The following TG variants were observed in gnomAD, a reference collection of about 807,000 sequenced individuals.
The protein encoded by TG is thyroglobulin.
In TG, 270 loss-of-function variants were observed where a neutral mutation model predicts 324.7. The ratio of observed to expected loss-of-function variants is 0.83; its 90% confidence interval spans 0.75 to 0.92. TG has a LOEUF of 0.92. Ranked by LOEUF, TG falls within the 40% of genes least tolerant of loss-of-function variation. TG has a pLI of 0.00. For missense variants in TG, 3,591 were observed against 3,456.4 expected, an observed-to-expected ratio of 1.04 and a Z score of -0.98; for synonymous variants, 1,401 against 1,327.0, an observed-to-expected ratio of 1.06 and a Z score of -1.21.
chr8:133,013,464 T>G, intron 36 of TG, 136 bp from the exon 37 acceptor site: 1 of 1,058,782 alleles, frequency 9.4e-7, no homozygotes. Context: ...GATGGATTCA[T>G]GGATGCATGA....
chr8:132,898,364 G>A (rs1385647799), intron 13 of TG, 118 bp downstream of exon 13: 4 of 1,014,930 alleles, frequency 3.9e-6, no homozygotes, highest in East Asian at 2.6e-5. Context: ...GCCAGGTCCC[G>A]GGTGCAGCCA....
At chr8:132,933,452 G>A in intron 23 of TG, 109 bp from the exon 24 acceptor site, 1 of 798,088 alleles carries the variant, frequency 1.3e-6, no homozygotes, top group South Asian at 1.4e-5. Context: ...GTGTGTGTGT[G>A]TGTGTGTGTG....
At chr8:133,030,640 A>G (rs1319650861) in intron 41 of TG, among the ~76,000 whole-genome samples, 13 of 152,232 alleles carry the variant, frequency 8.5e-5, no homozygotes, top group Non-Finnish European at 1.5e-5. Context: ...TACATAACCC[A>G]GTTCTTAGGA....
chr8:133,025,858 A>T (rs909400903), intron 40 of TG, among the ~76,000 whole-genome samples: 4 of 152,198 alleles, frequency 2.6e-5, no homozygotes, highest in Non-Finnish European at 5.9e-5. Context: ...TCTGAGCAGG[A>T]TGGGGTCTGA....
rs570067317 is a variant in TG at position 133,020,181 on chromosome 8, G to A, written c.6876+486G>A. On this transcript the variant is annotated intron_variant, in intron 39 of 47. Transcript: ENST00000220616. ...GGCAGAGTGGAGGCTCATCCCTGTCGCCGTGTTCCAAAGCCAGTGCTCTTT... is the reference window on the plus strand; with the variant it reads ...GGCAGAGTGGAGGCTCATCCCTGTCACCGTGTTCCAAAGCCAGTGCTCTTT... Among the ~76,000 whole-genome samples, 12 of 152,266 alleles carry A rather than the reference G, an allele frequency of 7.9e-5. No individual in the cohort carries two copies. The South Asian group carries it at 1.0e-3, about 13-fold the overall frequency.
At chr8:132,914,299 G>C (rs561172788) in intron 20 of TG, among the ~76,000 whole-genome samples, 8 of 152,354 alleles carry the variant, frequency 5.3e-5, no homozygotes, top group African/African-American at 1.9e-4. Flanking sequence ...CCTTCCTCCT[G>C]TGTGGGGTGA....
chr8:133,123,442 G>C lies in TG; in HGVS notation c.7862+6726G>C, dbSNP rs1453481471. 3.3e-5 allele frequency among the ~76,000 whole-genome samples: 5 copies of C among 152,134 alleles called. No individual in the cohort carries two copies. In the South Asian group the frequency reaches 8.3e-4, roughly 25 times the overall value. On this transcript the variant is annotated intron_variant, in intron 45 of 47. Transcript: ENST00000220616. ...CCGGGTCTGAGGCCCTGGGCATTCTGTCTAATGCCTCCTGTGTTCTCTCTA... is the reference window on the plus strand; with the variant it reads ...CCGGGTCTGAGGCCCTGGGCATTCTCTCTAATGCCTCCTGTGTTCTCTCTA...
chr8:133,049,650 A>G, intron 41 of TG: 1 of 488,468 alleles, frequency 2.0e-6, no homozygotes, highest in South Asian at 2.2e-5. Flanking sequence ...ACTCTGTGCC[A>G]GGAGCACCAT....
intron 21 of TG, 127 bp downstream of exon 21, chr8:132,919,652 C>T: frequency 7.5e-7 from 1 of 1,329,888 alleles, no homozygotes; most frequent in Non-Finnish European, 1.1e-6. Flanking sequence ...TTGGCCTGTG[C>T]TTGGTAGGAT....
At chr8:133,058,508 C>G (rs961308797) in intron 41 of TG, among the ~76,000 whole-genome samples, 2 of 152,230 alleles carry the variant, frequency 1.3e-5, no homozygotes, top group African/African-American at 4.8e-5. Context: ...ATGCTGCCCC[C>G]TCTGCCCCAG....
At chr8:132,908,632 C>A (rs565187406) in intron 18 of TG, among the ~76,000 whole-genome samples, 17 of 152,064 alleles carry the variant, frequency 1.1e-4, no homozygotes, top group African/African-American at 4.1e-4. Flanking sequence ...TCAGAGGAGC[C>A]TGGCTAGAGT....
At chr8:133,118,149 G>A (rs1250549564) in intron 45 of TG, among the ~76,000 whole-genome samples, 7 of 151,916 alleles carry the variant, frequency 4.6e-5, no homozygotes, top group African/African-American at 1.7e-4. Flanking sequence ...CTTTCACCAG[G>A]GACTACTTTA....
intron 27 of TG, among the ~76,000 whole-genome samples, chr8:132,955,678 T>C (rs2130230146): frequency 6.6e-6 from 1 of 152,312 alleles, no homozygotes; most frequent in East Asian, 1.9e-4. Flanking sequence ...AAAGAGTTGA[T>C]GTATCTGTGA....
intron 43 of TG, 57 bp downstream of exon 43, chr8:133,096,430 A>T (rs1042830152): frequency 6.9e-5 from 110 of 1,599,600 alleles, no homozygotes; most frequent in Non-Finnish European, 9.3e-5. Context: ...AGGGCTCTGG[A>T]CCTCAATGTC....
chr8:133,116,080 C>T (rs563566807), intron 44 of TG, among the ~76,000 whole-genome samples: 21 of 152,086 alleles, frequency 1.4e-4, no homozygotes, highest in African/African-American at 4.3e-4. Context: ...CCAAAGGGTT[C>T]TCTAGGGGAG....
intron 3 of TG, among the ~76,000 whole-genome samples, chr8:132,870,145 C>T (rs115054938): frequency 0.029 from 4,417 of 151,958 alleles, 147 homozygotes; most frequent in East Asian, 0.086. Flanking sequence ...CCTTCTCACC[C>T]GTGGTGTGAG....
At position 132,963,067 on chromosome 8, in the gene TG, A is replaced by T. The variant is rs142661150; in HGVS notation, c.5541A>T (p.Thr1847=). 1.9e-6 allele frequency: 3 copies of T among 1,613,914 alleles called. No homozygotes were observed. In the African/African-American group the frequency reaches 4.0e-5, roughly 22 times the overall value. The part of the protein sequence containing the change: ...KDTVPRPASP[T]EAGLTTELFS... ...CAGTGCCAAGGCCAGCATCTCCAACAGAAGCAGGTACTGACCCCCAAACCT... is the reference window on the plus strand; with the variant it reads ...CAGTGCCAAGGCCAGCATCTCCAACTGAAGCAGGTACTGACCCCCAAACCT... Residue 1847 remains threonine, a synonymous_variant, in exon 29 of 48, where the codon ACA becomes ACT. Coordinates refer to ENST00000220616, the MANE Select transcript of TG (RefSeq NM_003235.5).
chr8:132,935,266 G>C (rs925604485), intron 24 of TG, among the ~76,000 whole-genome samples: 2 of 151,654 alleles, frequency 1.3e-5, no homozygotes, highest in Non-Finnish European at 2.9e-5. Context: ...TCAGCCTCCT[G>C]AGTAGCTGGG....
rs116314916 is a variant in TG, at chr8:132,913,144, G to A, written c.4257G>A (p.Ala1419=). 379 of 1,614,160 alleles carry A rather than the reference G, an allele frequency of 2.3e-4. No homozygotes were observed. In the East Asian group the frequency reaches 6.8e-3, roughly 29 times the overall value. ...ATCTGGACTCCAAGACGTTCCCAGC[G>A]GAAACCATCCGCTTCCTCCAAGGGG... ...QLHLDSKTFP[A]ETIRFLQGDH... The change falls in exon 20 of 48, where the codon GCG becomes GCA. Residue 1419 remains alanine (A), a synonymous_variant. Transcript: ENST00000220616.
Sources: gnomAD v4.1 joint callset for allele counts (sites outside exome capture counted in the v4.1 genomes callset) on GRCh38, gnomAD v4.1.1 for gene constraint, MANE v1.5 for transcripts, NCBI Gene and HGNC (gene_info 2026-07-23, HGNC 2026-07-21) for gene names.